Variants in CEMIP2 observed in about 807,000 individuals in gnomAD.
CEMIP2 encodes the protein cell surface hyaluronidase CEMIP2.
A neutral mutation model predicts 146.9 loss-of-function variants in CEMIP2; 79 were observed. The ratio of observed to expected loss-of-function variants is 0.54; its 90% CI spans 0.45 to 0.65. The LOEUF is 0.65. CEMIP2 is among the 30% of genes least tolerant of loss of function. The pLI is 0.00. For missense variants in CEMIP2, 1,596 were observed against 1,696.2 expected (o/e 0.94, Z 1.04); for synonymous variants, 601 against 606.3 (o/e 0.99, Z 0.13).
Position 71,685,027 on chromosome 9 carries a change from G to T in CEMIP2, c.*170C>A, listed in dbSNP as rs1382386959. The T allele has an allele frequency of 3.5e-6, 2 of 578,894 alleles. No individual in the cohort carries two copies. The highest frequency in any genetic ancestry group is 2.9e-5 in the East Asian group (1 of 34,286). 35.9% of individuals were successfully genotyped at this position (578,894 alleles called of 1,614,324 possible). A position where few individuals can be genotyped will look rare whatever the true frequency, so the allele number is the denominator to read the frequency against. ...CTTTAACATTTTGTACAACTAGAAG[G>T]TGCATGAAGCTGGTATCCAAGCAAT... is the stretch of plus-strand genomic sequence containing the variant. On this transcript the variant is annotated 3_prime_UTR_variant, in exon 24 of 24. Coordinates refer to ENST00000377044, the MANE Select transcript of CEMIP2 (RefSeq NM_013390.3).
intron 4 of CEMIP2, among the ~76,000 whole-genome samples, chr9:71,743,455 C>T (rs1823983019): frequency 6.6e-6 from 1 of 152,160 alleles, no homozygotes; most frequent in African/African-American, 2.4e-5. Context: ...AAAAAAAACC[C>T]TTTGAGGTTT....
At position 71,740,069 on chromosome 9, in the gene CEMIP2, TC is replaced by T. The variant is rs1823870850; in HGVS notation, c.1197del (p.Trp399Ter). 5.6e-6 allele frequency: 9 copies of T among 1,613,722 alleles called. No individual in the cohort carries two copies. Among genetic ancestry groups the T allele is most frequent in the Non-Finnish European group, 7.6e-6 (9 of 1,179,904 alleles). On this transcript the variant is annotated frameshift_variant, in exon 5 of 24. Transcript: ENST00000377044. LOFTEE classifies it high-confidence loss of function. The stretch of plus-strand genomic sequence containing the variant: ...ATAAACTCTACTTGCCTACCTTCAA[TC>T]CATTCACTATAAGCTGTCACAGAGA... Reference protein sequence around the residue: ...QKFSVTAYSEWIEGVSLSGFR... With the variant: ...QKFSVTAYSEXIEGVSLSGFR...
At chr9:71,704,149 C>G (rs766356247) in intron 18 of CEMIP2, among the ~76,000 whole-genome samples, 1 of 152,112 alleles carries the variant, frequency 6.6e-6, no homozygotes, top group Admixed American at 6.5e-5. Context: ...AAATACCTGG[C>G]CTTCATGTCC....
intron 15 of CEMIP2, among the ~76,000 whole-genome samples, chr9:71,714,621 G>GA (rs141379419): frequency 1.1e-4 from 17 of 151,252 alleles, no homozygotes; most frequent in African/African-American, 2.2e-4. Flanking sequence ...CAAGAAGGAA[G>GA]AAAAAAAACA....
At chr9:71,718,462 TACATATATGTGAACTA>T (rs1823134805) in intron 12 of CEMIP2, among the ~76,000 whole-genome samples, 1 of 152,230 alleles carries the variant, frequency 6.6e-6, no homozygotes, top group Admixed American at 6.5e-5. Context: ...TATTTCAACA[TACATATATGTGAACTA>T]GAGTATAATT....
At chr9:71,733,994 G>A (rs1170669978) in intron 6 of CEMIP2, among the ~76,000 whole-genome samples, 3 of 151,952 alleles carry the variant, frequency 2.0e-5, no homozygotes, top group Non-Finnish European at 4.4e-5. Context: ...CAAGCCTTGT[G>A]CCACCATGCC....
chr9:71,685,519 T>C, intron 23 of CEMIP2, 126 bp from the exon 24 acceptor site: 1 of 1,178,570 alleles, frequency 8.5e-7, no homozygotes, highest in Non-Finnish European at 1.1e-6. Flanking sequence ...ACTCTGCACT[T>C]CCTTACATCA....
intron 21 of CEMIP2, among the ~76,000 whole-genome samples, chr9:71,692,493 C>T (rs1278780845): frequency 6.6e-6 from 1 of 151,906 alleles, no homozygotes; most frequent in Non-Finnish European, 1.5e-5. Context: ...GGATCAGGTT[C>T]CTCATGCAGC....
In CEMIP2 at chr9:71,690,198, CAAG is replaced by C; in HGVS notation, c.3742_3744del (p.Leu1248del). ...AATGGAACGCTGCACGGATCCACAA[CAAG>C]GAGGAGGACGCCTGCACTTCGGAAG... is the stretch of plus-strand genomic sequence containing the variant. On this transcript the variant is annotated inframe_deletion, in exon 22 of 24. Transcript: ENST00000377044. 4 of 1,614,130 alleles carry C rather than the reference CAAG, an allele frequency of 2.5e-6. No homozygotes were observed. Among genetic ancestry groups the C allele is most frequent in the Non-Finnish European group, 3.4e-6 (4 of 1,179,998 alleles).
At chr9:71,758,312 T>C (rs1171630402) in intron 1 of CEMIP2, among the ~76,000 whole-genome samples, 1 of 152,174 alleles carries the variant, frequency 6.6e-6, no homozygotes, top group African/African-American at 2.4e-5. Flanking sequence ...GAAGGTTCAC[T>C]GAAAAATCAA....
rs923365290 is a variant in CEMIP2 at position 71,684,265 on chromosome 9, C to A, written c.*932G>T. On this transcript the variant is annotated 3_prime_UTR_variant, in exon 24 of 24. Transcript: ENST00000377044. ...GGTGAACAGAAAAGCTTTAAAAAATCCACACAAAACAATAACAAAAAACCC... is the reference window on the plus strand; with the variant it reads ...GGTGAACAGAAAAGCTTTAAAAAATACACACAAAACAATAACAAAAAACCC... The A allele has an allele frequency of 6.6e-6, 1 of 152,098 alleles. No homozygotes were observed. The highest frequency in any genetic ancestry group is 1.5e-5 in the Non-Finnish European group (1 of 68,026). The allele number at this position is 152,098 out of a possible 1,614,324, so 9.4% of individuals were successfully genotyped here.
intron 22 of CEMIP2, among the ~76,000 whole-genome samples, chr9:71,689,827 T>C (rs1195847100): frequency 6.6e-6 from 1 of 152,212 alleles, no homozygotes; most frequent in African/African-American, 2.4e-5. Flanking sequence ...TTCCAAATAA[T>C]GAGCTCTTTT....
chr9:71,693,593 A>G (rs1363052302), intron 21 of CEMIP2, among the ~76,000 whole-genome samples: 1 of 152,264 alleles, frequency 6.6e-6, no homozygotes, highest in Non-Finnish European at 1.5e-5. Context: ...AAGGTTAATG[A>G]ATAAACACAA....
chr9:71,719,737 C>A (rs1823175834), intron 12 of CEMIP2, among the ~76,000 whole-genome samples: 1 of 150,486 alleles, frequency 6.6e-6, no homozygotes, highest in African/African-American at 2.5e-5. Context: ...AAGCCAACAT[C>A]TACTCTCTGG....
chr9:71,732,800 G>T (rs1428699480), intron 6 of CEMIP2, among the ~76,000 whole-genome samples: 1 of 139,428 alleles, frequency 7.2e-6, no homozygotes, highest in South Asian at 2.4e-4. Context: ...TCCGCCTCCC[G>T]GGTTCATGCC....
chr9:71,722,069 GGA>G (rs1329347094), intron 12 of CEMIP2, among the ~76,000 whole-genome samples: 2 of 152,114 alleles, frequency 1.3e-5, no homozygotes, highest in Non-Finnish European at 2.9e-5. Flanking sequence ...GGTTTTTCAA[GGA>G]TGAGACTAAA....
At chr9:71,735,176 CAGAG>C (rs940705186) in intron 5 of CEMIP2, among the ~76,000 whole-genome samples, 182 bp from the exon 6 acceptor site, 3 of 151,898 alleles carry the variant, frequency 2.0e-5, no homozygotes, top group Non-Finnish European at 4.4e-5. Flanking sequence ...AATATGAAAA[CAGAG>C]AGATCCCTGC....
chr9:71,755,487 G>C (rs1335187056), intron 1 of CEMIP2, among the ~76,000 whole-genome samples: 1 of 151,996 alleles, frequency 6.6e-6, no homozygotes, highest in Admixed American at 6.6e-5. Context: ...GTTCAAGGTT[G>C]CAGTGAGCCA....
intron 11 of CEMIP2, 76 bp from the exon 12 acceptor site, chr9:71,722,591 T>C: frequency 1.6e-6 from 2 of 1,212,646 alleles, no homozygotes; most frequent in South Asian, 1.4e-5. Flanking sequence ...TTCATGAAAA[T>C]AGATTTTAGC....
Sources: gnomAD v4.1 joint callset for allele counts (sites outside exome capture counted in the v4.1 genomes callset) on GRCh38, gnomAD v4.1.1 for gene constraint, MANE v1.5 for transcripts, NCBI Gene and HGNC (gene_info 2026-07-23, HGNC 2026-07-21) for gene names.